The following RBBP6 variants were observed in gnomAD, a reference collection of about 807,000 sequenced individuals.
The protein encoded by RBBP6 is E3 ubiquitin-protein ligase RBBP6.
Under a neutral mutation model 167.7 loss-of-function variants are expected in RBBP6, and 25 were observed. The observed-to-expected ratio is 0.15, with a 90% confidence interval of 0.11 to 0.21. The LOEUF is 0.21. RBBP6 is among the 10% of genes least tolerant of loss of function. The pLI is 1.00. For synonymous variants in RBBP6, 789 were observed against 735.8 expected, an observed-to-expected ratio of 1.07 and a Z score of -1.17; for missense variants, 1,868 against 2,134.2, an observed-to-expected ratio of 0.88 and a Z score of 2.46.
chr16:24,548,859 A>G (rs1045509672), intron 2 of RBBP6, 86 bp from the exon 3 acceptor site: 8 of 1,095,396 alleles, frequency 7.3e-6, no homozygotes, highest in Admixed American at 2.4e-5. Flanking sequence ...CTAAAAATGT[A>G]TTATTGAAGA....
chr16:24,563,209 A>G lies in RBBP6; in HGVS notation c.1300A>G (p.Asn434Asp), dbSNP rs749783875. The change falls in exon 11 of 18, where the codon AAT (asparagine) becomes GAT (aspartate). Residue 434 changes from asparagine to aspartate, a missense_variant. Physicochemically the swap from Asn to Asp is conservative, Grantham distance 23 (BLOSUM62 1). Around this residue, in one of 7 missense-constraint regions of RBBP6, gnomAD observed 245 missense variants for 240.1 expected, o/e 1.02. Coordinates refer to ENST00000319715, the MANE Select transcript of RBBP6 (RefSeq NM_006910.5). The stretch of plus-strand genomic sequence containing the variant: ...TTATGTTTTTTAAAGGGATTCTGAT[A>G]ATAAAATATTGCCAGCTGCAGCTCT... ...KSDGPFRDSD[N>D]KILPAAALAS... is the part of the protein sequence containing the mutation. 6.2e-7 allele frequency: 1 copy of G among 1,605,466 alleles called. No individual in the cohort carries two copies. Among genetic ancestry groups the G allele is most frequent in the Non-Finnish European group, 8.5e-7 (1 of 1,175,362 alleles).
intron 7 of RBBP6, among the ~76,000 whole-genome samples, chr16:24,557,422 CTT>C (rs1898940033): frequency 6.6e-6 from 1 of 152,138 alleles, no homozygotes; most frequent in South Asian, 2.1e-4. Flanking sequence ...TAGTCAGTTA[CTT>C]TTTTGATTAC....
Position 24,567,435 on chromosome 16 carries a change from A to C in RBBP6, c.1882A>C (p.Ile628Leu). ...AGTGCAGACAGCTCATTCAAATACC[A>C]TCCCAACAACACAAGCACCACCTTT... ...SGVQTAHSNT[I>L]PTTQAPPLSR... The change falls in exon 15 of 18, where the codon ATC becomes CTC. Residue 628 changes from isoleucine (I) to leucine (L), a missense_variant. Ile to Leu is a conservative substitution (Grantham distance 5). Around this residue, in one of 7 missense-constraint regions of RBBP6, gnomAD observed 145 missense variants for 224.3 expected, o/e 0.65. Transcript: ENST00000319715. 6.2e-7 allele frequency: 1 copy of C among 1,614,172 alleles called. No homozygotes were observed. The highest frequency in any genetic ancestry group is 1.1e-5 in the South Asian group (1 of 91,086).
chr16:24,549,040 G>C, intron 3 of RBBP6, 59 bp downstream of exon 3: 1 of 1,584,972 alleles, frequency 6.3e-7, no homozygotes, highest in African/African-American at 1.3e-5. Context: ...TTATAATGTA[G>C]CAGTGAAGTA....
Position 24,569,725 on chromosome 16 carries a change from C to T in RBBP6, c.3035C>T (p.Pro1012Leu), listed in dbSNP as rs770124465. 3 of 1,613,848 alleles carry T rather than the reference C, an allele frequency of 1.9e-6. No homozygotes were observed. The highest frequency in any genetic ancestry group is 2.5e-6 in the Non-Finnish European group (3 of 1,179,956). Reference sequence around the variant, plus strand: ...AAAGACAAGAGAGAAAGGGATAAACCAAAAGCAAAGGGTGATAAAACCAAA... The same window carrying T: ...AAAGACAAGAGAGAAAGGGATAAACTAAAAGCAAAGGGTGATAAAACCAAA... ...SEKDKRERDK[P>L]KAKGDKTKRK... The change falls in exon 17 of 18, where the codon CCA (proline) becomes CTA (leucine). Residue 1012 changes from proline to leucine, a missense_variant. By Grantham distance (98) the Pro-to-Leu change is moderately conservative (BLOSUM62 -3). Coordinates refer to ENST00000319715, the MANE Select transcript of RBBP6 (RefSeq NM_006910.5).
At position 24,572,314 on chromosome 16, in the gene RBBP6, C is replaced by T. The variant is rs901013908; in HGVS notation, c.5248C>T (p.His1750Tyr). 6.4e-7 allele frequency: 1 copy of T among 1,572,612 alleles called. No individual in the cohort carries two copies. Among genetic ancestry groups the T allele is most frequent in the Middle Eastern group, 1.7e-4 (1 of 6,002 alleles). ...TAAAAAGCATAAGAAGCATAAGAAA[C>T]ATGCAGGCACTGAAGTGGAATTGGA... ...KHKKHKKHKK[H>Y]AGTEVELEKS... The change falls in exon 18 of 18, where the codon CAT (histidine) becomes TAT (tyrosine). Residue 1750 changes from histidine to tyrosine, a missense_variant. This residue lies in a region of RBBP6 where 591 missense variants were observed against 540.5 expected (regional missense o/e 1.09). Coordinates refer to ENST00000319715, the MANE Select transcript of RBBP6 (RefSeq NM_006910.5).
rs751136409 is a variant in RBBP6 at position 24,567,350 on chromosome 16, C to G, written c.1797C>G (p.Val599=). The change falls in exon 15 of 18, where the codon GTC becomes GTG. Residue 599 remains valine (V), a synonymous_variant. Coordinates refer to ENST00000319715, the MANE Select transcript of RBBP6 (RefSeq NM_006910.5). ...PGQPPPAGYS[V]PPPGFPPAPA... Reference sequence around the variant, plus strand: ...AGCCACCACCCGCTGGGTATAGTGTCCCTCCTCCAGGGTTTCCTCCAGCTC... The same window carrying G: ...AGCCACCACCCGCTGGGTATAGTGTGCCTCCTCCAGGGTTTCCTCCAGCTC... 6.2e-7 allele frequency: 1 copy of G among 1,614,112 alleles called. No individual in the cohort carries two copies. The highest frequency in any genetic ancestry group is 8.5e-7 in the Non-Finnish European group (1 of 1,180,028).
chr16:24,565,957 T>A (rs1041808615), intron 14 of RBBP6, among the ~76,000 whole-genome samples: 1 of 152,076 alleles, frequency 6.6e-6, no homozygotes, highest in East Asian at 1.9e-4. Flanking sequence ...CCCAGCTACC[T>A]GGGAGGCTGA....
rs1335568393 is a variant in RBBP6, at chr16:24,571,751, A to T, written c.4685A>T (p.Asp1562Val). 1 of 1,614,182 alleles carries T rather than the reference A, an allele frequency of 6.2e-7. No individual in the cohort carries two copies. The highest frequency in any genetic ancestry group is 8.5e-7 in the Non-Finnish European group (1 of 1,180,016). ...CCAAATGAAGAGACAAAATCTGTAG[A>T]TAAAAATCCTTGTAAGGATCGTGAG... The part of the protein sequence containing the change: ...KRPNEETKSV[D>V]KNPCKDREKH... Residue 1562 changes from aspartate (D) to valine (V), a missense_variant, in exon 18 of 18, where the codon GAT (aspartate) becomes GTT (valine). By Grantham distance (152) the Asp-to-Val change is radical. Coordinates refer to ENST00000319715, the MANE Select transcript of RBBP6 (RefSeq NM_006910.5).
intron 2 of RBBP6, among the ~76,000 whole-genome samples, chr16:24,547,158 T>C (rs1385405758): frequency 6.6e-6 from 1 of 152,178 alleles, no homozygotes; most frequent in East Asian, 1.9e-4. Flanking sequence ...ATTCTAGAAT[T>C]TGCCAGTGCT....
intron 7 of RBBP6, 69 bp from the exon 8 acceptor site, chr16:24,559,436 T>C (rs3815906): frequency 0.25 from 325,680 of 1,292,354 alleles, 42,356 homozygotes; most frequent in Admixed American, 0.32. Flanking sequence ...CATTATGTTA[T>C]AGTAGAACAT....
chr16:24,571,739 C>G lies in RBBP6; in HGVS notation c.4673C>G (p.Thr1558Arg), dbSNP rs1393783714. 5 of 1,613,904 alleles carry G rather than the reference C, an allele frequency of 3.1e-6. No individual in the cohort carries two copies. The highest frequency in any genetic ancestry group is 1.7e-5 in the Admixed American group (1 of 59,982). The change falls in exon 18 of 18, where the codon ACA becomes AGA. Residue 1558 changes from threonine (T) to arginine (R), a missense_variant. Coordinates refer to ENST00000319715, the MANE Select transcript of RBBP6 (RefSeq NM_006910.5). The stretch of plus-strand genomic sequence containing the variant: ...GATACTAAACGGCCAAATGAAGAGA[C>G]AAAATCTGTAGATAAAAATCCTTGT... ...TYDTKRPNEE[T>R]KSVDKNPCKD... is the part of the protein sequence containing the mutation.
Position 24,563,449 on chromosome 16 carries a change from C to T in RBBP6, c.1413C>T (p.Thr471=). The change falls in exon 12 of 18, where the codon ACC becomes ACT. Residue 471 remains threonine (T), a synonymous_variant. Coordinates refer to ENST00000319715, the MANE Select transcript of RBBP6 (RefSeq NM_006910.5). ...GTTACCAGGTGCCTGTTCTTGGAAC[C>T]CCATCTTTGCTTGGACAGTCATTAT... ...EKGYQVPVLG[T]PSLLGQSLLH... 1 of 1,611,760 alleles carries T rather than the reference C, an allele frequency of 6.2e-7. No individual in the cohort carries two copies. Among genetic ancestry groups the T allele is most frequent in the Non-Finnish European group, 8.5e-7 (1 of 1,179,512 alleles).
Position 24,571,660 on chromosome 16 carries a change from A to C in RBBP6, c.4594A>C (p.Ser1532Arg), listed in dbSNP as rs773672117. ...PKKGTGDSKK[S>R]NSSPSRDRKP... ...AAAAGGAACAGGAGATTCCAAAAAA[A>C]GTAATTCTAGTCCCTCAAGAGACAG... Residue 1532 changes from serine (S) to arginine (R), a missense_variant, in exon 18 of 18, where the codon AGT becomes CGT. Around this residue, in one of 7 missense-constraint regions of RBBP6, gnomAD observed 591 missense variants for 540.5 expected, o/e 1.09. Coordinates refer to ENST00000319715, the MANE Select transcript of RBBP6 (RefSeq NM_006910.5). 6.2e-7 allele frequency: 1 copy of C among 1,613,632 alleles called. No homozygotes were observed. The highest frequency in any genetic ancestry group is 8.5e-7 in the Non-Finnish European group (1 of 1,179,902).
intron 4 of RBBP6, chr16:24,554,417 A>G (rs1898867646): frequency 6.6e-6 from 1 of 152,034 alleles, no homozygotes; most frequent in African/African-American, 2.4e-5. Flanking sequence ...ACCAAGATTA[A>G]TGAAAAGATG....
intron 1 of RBBP6, among the ~76,000 whole-genome samples, chr16:24,544,479 ATAAT>A (rs1179604893): frequency 2.6e-5 from 4 of 152,228 alleles, no homozygotes; most frequent in African/African-American, 4.8e-5. Context: ...ATGACTAAAA[ATAAT>A]TAATATACAT....
At chr16:24,547,019 C>T (rs12185161) in intron 2 of RBBP6, among the ~76,000 whole-genome samples, 34,725 of 152,074 alleles carry the variant, frequency 0.23, 4,384 homozygotes, top group Admixed American at 0.32. Flanking sequence ...CTTGCAATTT[C>T]AGTAGTGATA....
chr16:24,549,155 C>G, intron 3 of RBBP6, 174 bp downstream of exon 3: 1 of 1,451,350 alleles, frequency 6.9e-7, no homozygotes. Flanking sequence ...GCATCACTTG[C>G]ACACTTATTT....
chr16:24,550,100 C>T (rs1439763336), intron 3 of RBBP6, among the ~76,000 whole-genome samples: 1 of 151,880 alleles, frequency 6.6e-6, no homozygotes, highest in Non-Finnish European at 1.5e-5. Context: ...TGTCTAAAAT[C>T]TTCATTTAGA....
Sources: allele counts gnomAD v4.1 joint callset (sites outside exome capture counted in the v4.1 genomes callset), GRCh38; gene constraint gnomAD v4.1.1; regional missense constraint gnomAD v4.1.1; transcripts MANE v1.5; gene names NCBI Gene and HGNC (gene_info 2026-07-23, HGNC 2026-07-21).